RABGAP1L: variants seen among roughly 807,000 people sequenced by gnomAD.
The protein encoded by RABGAP1L is rab GTPase-activating protein 1-like.
RABGAP1L carries 63 observed loss-of-function variants against 137.7 expected under a neutral mutation model. That is an observed-to-expected ratio of 0.46 (90% CI 0.37 to 0.56). The LOEUF (loss-of-function observed/expected upper bound fraction) is 0.56, where lower values mean the gene tolerates loss of function less well. Ranked by LOEUF, RABGAP1L falls within the 20% of genes least tolerant of loss-of-function variation. The probability of loss-of-function intolerance (pLI) is 0.00; values close to 1 mark genes in which losing one functional copy is unlikely to be tolerated. For synonymous variants in RABGAP1L, 431 were observed against 433.7 expected, an observed-to-expected ratio of 0.99 and a Z score of 0.08; for missense variants, 1,095 against 1,244.0, an observed-to-expected ratio of 0.88 and a Z score of 1.80.
intron 19 of RABGAP1L, among the ~76,000 whole-genome samples, chr1:174,902,470 C>T (rs1369845805): frequency 6.6e-6 from 1 of 152,204 alleles, no homozygotes; most frequent in Non-Finnish European, 1.5e-5. Flanking sequence ...CTGGATTCAG[C>T]TCCCTTCCTA....
intron 13 of RABGAP1L, among the ~76,000 whole-genome samples, chr1:174,459,987 C>CTTCT (rs747477808): frequency 1.3e-5 from 2 of 151,954 alleles, no homozygotes; most frequent in Non-Finnish European, 2.9e-5. Context: ...TCATTAGGTC[C>CTTCT]TTCTGCCTTT....
In RABGAP1L at chr1:174,260,418, C is replaced by T. The variant is rs537248765; in HGVS notation, c.986+7828C>T. On this transcript the variant is annotated intron_variant, in intron 7 of 25. Transcript: ENST00000681986. ...AGTGATTGCTCAGAAATTTCAAACC[C>T]TCAGTGCCTTGGGAGAAAAGCCAAT... Among the ~76,000 whole-genome samples the T allele has an allele frequency of 5.3e-5, 8 of 152,282 alleles. No homozygotes were observed. In the South Asian group the frequency reaches 1.7e-3, roughly 32 times the overall value.
At chr1:174,578,320 GACAACAGGTGCACAGT>G (rs1026215001) in intron 13 of RABGAP1L, among the ~76,000 whole-genome samples, 11 of 152,116 alleles carry the variant, frequency 7.2e-5, no homozygotes, top group African/African-American at 2.7e-4. Flanking sequence ...GAGTAGCTGG[GACAACAGGTGCACAGT>G]ACTATGCCCT....
intron 4 of RABGAP1L, among the ~76,000 whole-genome samples, chr1:174,239,838 T>A (rs1439730029): frequency 6.6e-6 from 1 of 152,208 alleles, no homozygotes; most frequent in Non-Finnish European, 1.5e-5. Context: ...CTTTAATCTT[T>A]TAAAAACCCT....
chr1:174,541,636 C>A (rs545612631), intron 13 of RABGAP1L, among the ~76,000 whole-genome samples: 2 of 152,166 alleles, frequency 1.3e-5, no homozygotes, highest in East Asian at 3.9e-4. Context: ...ATTAGCCAGG[C>A]AGGGTGGCGG....
chr1:174,811,952 A>T lies in RABGAP1L; in HGVS notation c.2332A>T (p.Asn778Tyr). ...NARRLMEQAC[N>Y]IKVPTKKLKK... ...AAGAAGACTGATGGAGCAGGCTTGC[A>T]ATATTAAAGTAAGAACATGAGTTTT... The change falls in exon 19 of 26, where the codon AAT (asparagine) becomes TAT (tyrosine). Residue 778 changes from asparagine (N) to tyrosine (Y), a missense_variant. Physicochemically the swap from Asn to Tyr is moderately radical, Grantham distance 143. Coordinates refer to ENST00000681986, the MANE Select transcript of RABGAP1L (RefSeq NM_001366446.1). 1 of 1,595,238 alleles carries T rather than the reference A, an allele frequency of 6.3e-7. No homozygotes were observed.
At chr1:174,903,536 G>A (rs1045641699) in intron 19 of RABGAP1L, among the ~76,000 whole-genome samples, 1 of 152,158 alleles carries the variant, frequency 6.6e-6, no homozygotes, top group Admixed American at 6.5e-5. Flanking sequence ...GTGGGGTATG[G>A]GGAAAGAGAA....
At chr1:174,550,857 AATATATATATATATATATATATAT>A (rs1216100934) in intron 13 of RABGAP1L, among the ~76,000 whole-genome samples, 9 of 61,830 alleles carry the variant, frequency 1.5e-4, no homozygotes, top group East Asian at 6.8e-4. Context: ...GTCTCTGCTA[AATATATATATATATATATATATAT>A]ATATATATAT....
intron 13 of RABGAP1L, among the ~76,000 whole-genome samples, chr1:174,463,340 T>G (rs926535787): frequency 1.3e-5 from 2 of 151,982 alleles, no homozygotes; most frequent in African/African-American, 2.4e-5. Context: ...CCATAAAAAA[T>G]GATGAGTTCA....
intron 11 of RABGAP1L, among the ~76,000 whole-genome samples, chr1:174,365,716 G>T (rs993090703): frequency 6.6e-6 from 1 of 152,166 alleles, no homozygotes; most frequent in Non-Finnish European, 1.5e-5. Context: ...GAGGGATGTG[G>T]GTGGGGTGGT....
chr1:174,329,749 A>G (rs777021562), intron 11 of RABGAP1L, among the ~76,000 whole-genome samples: 49 of 152,158 alleles, frequency 3.2e-4, no homozygotes, highest in Non-Finnish European at 5.7e-4. Flanking sequence ...CAATTGATAC[A>G]GAGAGAGCAT....
At position 174,301,084 on chromosome 1, in the gene RABGAP1L, C is replaced by T. The variant is rs998404186; in HGVS notation, c.1324-3902C>T. ...GGTCTGCAGTTTGTCATGGATCCCACGGCCACTGTGACTGTGTATTCAACC... is the reference window on the plus strand; with the variant it reads ...GGTCTGCAGTTTGTCATGGATCCCATGGCCACTGTGACTGTGTATTCAACC... On this transcript the variant is annotated intron_variant, in intron 10 of 25. Transcript: ENST00000681986. Among the ~76,000 whole-genome samples the T allele has an allele frequency of 5.3e-5, 8 of 152,180 alleles. No homozygotes were observed. In the East Asian group the frequency reaches 5.9e-4, roughly 11 times the overall value.
intron 7 of RABGAP1L, among the ~76,000 whole-genome samples, chr1:174,258,241 A>G (rs1054252344): frequency 2.6e-5 from 4 of 152,216 alleles, no homozygotes; most frequent in Non-Finnish European, 1.5e-5. Context: ...GTGGAATTTA[A>G]GGTAGTCCAG....
intron 13 of RABGAP1L, among the ~76,000 whole-genome samples, chr1:174,609,380 C>T (rs1671015333): frequency 6.6e-6 from 1 of 152,136 alleles, no homozygotes; most frequent in Non-Finnish European, 1.5e-5. Flanking sequence ...AAATTGTTCT[C>T]TTAGCTGCAT....
At chr1:174,220,373 A>C (rs1231662212) in intron 2 of RABGAP1L, among the ~76,000 whole-genome samples, 1 of 152,168 alleles carries the variant, frequency 6.6e-6, no homozygotes, top group African/African-American at 2.4e-5. Context: ...AAAAAAGAAA[A>C]AGAAAAAGAA....
intron 19 of RABGAP1L, among the ~76,000 whole-genome samples, chr1:174,879,340 T>C (rs10753088): frequency 0.78 from 119,020 of 151,818 alleles, 47,879 homozygotes; most frequent in East Asian, 0.99. Context: ...TCTTGTGATC[T>C]ACCCGCCTCG....
chr1:174,411,605 A>G (rs1205198284), intron 13 of RABGAP1L, among the ~76,000 whole-genome samples: 1 of 151,872 alleles, frequency 6.6e-6, no homozygotes, highest in Non-Finnish European at 1.5e-5. Context: ...TTTTCCATCT[A>G]TGTTCACTAG....
chr1:174,402,127 C>G (rs768405770), intron 13 of RABGAP1L, among the ~76,000 whole-genome samples: 1 of 152,152 alleles, frequency 6.6e-6, no homozygotes, highest in African/African-American at 2.4e-5. Context: ...GACATTATGT[C>G]TAGTGCTTTC....
chr1:174,550,002 ACTACACTTCAG>A (rs1356690284), intron 13 of RABGAP1L, among the ~76,000 whole-genome samples: 5 of 152,158 alleles, frequency 3.3e-5, no homozygotes, highest in Admixed American at 2.0e-4. Context: ...GTAAATAGCT[ACTACACTTCAG>A]CTTGGGCATC....
Sources: gnomAD v4.1 joint callset for allele counts (sites outside exome capture counted in the v4.1 genomes callset) on GRCh38, gnomAD v4.1.1 for gene constraint, MANE v1.5 for transcripts, NCBI Gene and HGNC (gene_info 2026-07-23, HGNC 2026-07-21) for gene names.